GHR: variants seen among roughly 807,000 people sequenced by gnomAD.
GHR encodes the protein GH receptor.
A neutral mutation model predicts 67.1 loss-of-function variants in GHR; 35 were observed. The observed-to-expected ratio is 0.52, with a 90% CI of 0.40 to 0.69. GHR has a LOEUF of 0.69. GHR is among the 30% of genes least tolerant of loss of function. The pLI, the probability that GHR is intolerant of heterozygous loss-of-function variation, is 0.00. For synonymous variants in GHR, 272 were observed against 269.1 expected, an observed-to-expected ratio of 1.01 and a Z score of -0.10; for missense variants, 792 against 764.6, an observed-to-expected ratio of 1.04 and a Z score of -0.42.
At chr5:42,661,760 A>G (rs1399442685) in intron 3 of GHR, among the ~76,000 whole-genome samples, 1 of 152,172 alleles carries the variant, frequency 6.6e-6, no homozygotes, top group African/African-American at 2.4e-5. Context: ...AACAATATTA[A>G]CTTTAAATGT....
intron 2 of GHR, among the ~76,000 whole-genome samples, chr5:42,567,063 A>G (rs1330348879): frequency 6.6e-6 from 1 of 152,216 alleles, no homozygotes; most frequent in South Asian, 2.1e-4. Flanking sequence ...CAAGTCAAAC[A>G]TGGAGAGAAT....
At chr5:42,511,494 G>A (rs932682456) in intron 1 of GHR, among the ~76,000 whole-genome samples, 2 of 152,162 alleles carry the variant, frequency 1.3e-5, no homozygotes, top group South Asian at 2.1e-4. Flanking sequence ...CTGGAATAAG[G>A]TTCAGCACAT....
At chr5:42,532,961 A>G (rs1176016648) in intron 1 of GHR, among the ~76,000 whole-genome samples, 1 of 152,106 alleles carries the variant, frequency 6.6e-6, no homozygotes, top group Non-Finnish European at 1.5e-5. Flanking sequence ...ATATCAGTGT[A>G]CTTGCTGTGT....
At chr5:42,665,526 C>A (rs1198090179) in intron 3 of GHR, among the ~76,000 whole-genome samples, 1 of 151,648 alleles carries the variant, frequency 6.6e-6, no homozygotes, top group Non-Finnish European at 1.5e-5. Context: ...TATTCTCACT[C>A]ATAGGTGGGA....
chr5:42,676,255 A>C (rs1366577792), intron 3 of GHR, among the ~76,000 whole-genome samples: 4 of 152,144 alleles, frequency 2.6e-5, no homozygotes, highest in African/African-American at 4.8e-5. Flanking sequence ...ACTGCACTCC[A>C]ACTTGGTGAC....
At chr5:42,642,271 C>T (rs908669879) in intron 3 of GHR, among the ~76,000 whole-genome samples, 1 of 152,158 alleles carries the variant, frequency 6.6e-6, no homozygotes, top group Non-Finnish European at 1.5e-5. Context: ...CAATGAATTT[C>T]ACAAATGTTG....
chr5:42,534,418 G>A (rs553682753), intron 1 of GHR, among the ~76,000 whole-genome samples: 1 of 137,866 alleles, frequency 7.3e-6, no homozygotes, highest in Non-Finnish European at 1.5e-5. Flanking sequence ...GTGTATATAT[G>A]TATGTATATA....
chr5:42,677,307 G>A (rs1252385943), intron 3 of GHR, among the ~76,000 whole-genome samples: 1 of 152,122 alleles, frequency 6.6e-6, no homozygotes, highest in Non-Finnish European at 1.5e-5. Flanking sequence ...GTATCAAGTA[G>A]CATCCTGAAT....
chr5:42,682,430 C>T (rs1465468838), intron 3 of GHR, among the ~76,000 whole-genome samples: 3 of 152,126 alleles, frequency 2.0e-5, no homozygotes, highest in Admixed American at 6.5e-5. Flanking sequence ...TTGTTGTCTT[C>T]GTAGTAAAAG....
intron 1 of GHR, among the ~76,000 whole-genome samples, chr5:42,486,637 G>A (rs1262035858): frequency 6.6e-6 from 1 of 152,132 alleles, no homozygotes; most frequent in East Asian, 1.9e-4. Flanking sequence ...CACGATGTCA[G>A]GAGATCGAGA....
chr5:42,716,919 C>A (rs1362070433), intron 8 of GHR, among the ~76,000 whole-genome samples: 1 of 152,146 alleles, frequency 6.6e-6, no homozygotes, highest in African/African-American at 2.4e-5. Context: ...ATGACAGTGT[C>A]ATCTCTGAAT....
At position 42,576,123 on chromosome 5, in the gene GHR, T is replaced by TAATAAAATAAAATAAAATAA. The variant is rs1750711505; in HGVS notation, c.70+10181_70+10182insTAAAATAAAATAAAATAAAA. Reference sequence around the variant, plus strand: ...ATAAATAAAATAAAATAAAATAAAATAAAATAAAATAAAATAAAATAGTAA... The same window carrying TAATAAAATAAAATAAAATAA: ...ATAAATAAAATAAAATAAAATAAAATAATAAAATAAAATAAAATAAAAAATAAAATAAAATAAAATAGTAA... On this transcript the variant is annotated intron_variant, in intron 2 of 9. Coordinates refer to ENST00000230882, the MANE Select transcript of GHR (RefSeq NM_000163.5). Among the ~76,000 whole-genome samples, 27 of 84,960 alleles carry TAATAAAATAAAATAAAATAA rather than the reference T, an allele frequency of 3.2e-4. 1 individual carries two copies. Among genetic ancestry groups the TAATAAAATAAAATAAAATAA allele is most frequent in the East Asian group, 1.7e-3 (6 of 3,550 alleles). The allele number at this position is 84,960 out of a possible 152,430, so 55.7% of individuals were successfully genotyped here. A position where few individuals can be genotyped will look rare whatever the true frequency, so the allele number is the denominator to read the frequency against.
At chr5:42,678,560 A>C (rs555182229) in intron 3 of GHR, among the ~76,000 whole-genome samples, 1 of 152,304 alleles carries the variant, frequency 6.6e-6, no homozygotes, top group Non-Finnish European at 1.5e-5. Flanking sequence ...GATTCAGAGA[A>C]TCTTATAATA....
In GHR at chr5:42,642,526, C is replaced by T. The variant is rs370082875; in HGVS notation, c.136+13423C>T. Among the ~76,000 whole-genome samples, 14 of 152,234 alleles carry T rather than the reference C, an allele frequency of 9.2e-5. No homozygotes were observed. The East Asian group carries it at 2.3e-3, about 25-fold the overall frequency. On this transcript the variant is annotated intron_variant, in intron 3 of 9. Coordinates refer to ENST00000230882, the MANE Select transcript of GHR (RefSeq NM_000163.5). ...AATCCTAGTGGGTTGTTAGTATAGA[C>T]AGGCTGAAACCACTATCCTGAAGTG...
At chr5:42,579,074 TATAGATAGATAG>T (rs6149005) in intron 2 of GHR, among the ~76,000 whole-genome samples, 2,231 of 123,528 alleles carry the variant, frequency 0.018, 46 homozygotes, top group East Asian at 0.03. Context: ...AATCTGACAC[TATAGATAGATAG>T]ATAGATAGAT....
chr5:42,719,322 G>A lies in GHR; in HGVS notation c.1815G>A (p.Gln605=), dbSNP rs777977915. 6.2e-7 allele frequency: 1 copy of A among 1,614,146 alleles called. No individual in the cohort carries two copies. Among genetic ancestry groups the A allele is most frequent in the South Asian group, 1.1e-5 (1 of 91,074 alleles). Residue 605 remains glutamine, a synonymous_variant, in exon 10 of 10, where the codon CAG becomes CAA. Coordinates refer to ENST00000230882, the MANE Select transcript of GHR (RefSeq NM_000163.5). ...CCATTCATATAGTACAGTCCCCACA[G>A]GGCCTCATACTCAATGCGACTGCCT... is the stretch of plus-strand genomic sequence containing the variant. ...YTSIHIVQSP[Q]GLILNATALP... is the part of the protein sequence containing the mutation.
At chr5:42,679,134 AATATATT>A (rs1051791448) in intron 3 of GHR, among the ~76,000 whole-genome samples, 1 of 140,110 alleles carries the variant, frequency 7.1e-6, no homozygotes, top group African/African-American at 2.6e-5. Flanking sequence ...TATATTAATT[AATATATT>A]ATATATTGTA....
intron 1 of GHR, among the ~76,000 whole-genome samples, chr5:42,443,875 ACT>A (rs1343569844): frequency 6.6e-6 from 1 of 151,760 alleles, no homozygotes; most frequent in Non-Finnish European, 1.5e-5. Flanking sequence ...ATCTAAGAAC[ACT>A]CTCATAGAAA....
At chr5:42,607,359 G>C (rs12233949) in intron 2 of GHR, among the ~76,000 whole-genome samples, 32,927 of 152,120 alleles carry the variant, frequency 0.22, 4,468 homozygotes, top group Non-Finnish European at 0.28. Context: ...CTTCTAAGAA[G>C]GTAAAGCTAG....
Sources: allele counts gnomAD v4.1 joint callset (sites outside exome capture counted in the v4.1 genomes callset), GRCh38; gene constraint gnomAD v4.1.1; transcripts MANE v1.5; gene names NCBI Gene and HGNC (gene_info 2026-07-23, HGNC 2026-07-21).